Variants in HYDIN observed in about 807,000 individuals in gnomAD.
The protein encoded by HYDIN is HYDIN axonemal central pair apparatus protein.
A neutral mutation model predicts 403.9 loss-of-function variants in HYDIN; 132 were observed. The ratio of observed to expected loss-of-function variants is 0.33; its 90% CI spans 0.28 to 0.38. HYDIN has a LOEUF of 0.38. HYDIN is among the 10% of genes least tolerant of loss of function. The pLI, the probability that HYDIN is intolerant of heterozygous loss-of-function variation, is 1.00. For synonymous variants in HYDIN, 1,202 were observed against 1,891.7 expected (o/e 0.64, Z 9.46); for missense variants, 2,827 against 5,009.5 (o/e 0.56, Z 13.15).
intron 80 of HYDIN, among the ~76,000 whole-genome samples, chr16:70,831,411 A>C (rs1474086428): frequency 7.1e-6 from 1 of 140,796 alleles, no homozygotes; most frequent in Non-Finnish European, 1.5e-5. Context: ...TTAAGAGCTG[A>C]GTTAGGAGAA....
rs2035074290 is a variant in HYDIN at position 70,805,591 on chromosome 16, A to T, written c.*1989T>A. On this transcript the variant is annotated 3_prime_UTR_variant, in exon 86 of 86. Transcript: ENST00000393567. ...TAAGCCCTCCAGGGGATGCTGATGT[A>T]TACTAATATTTCAGAAGCACTGACT... 1.3e-5 allele frequency among the ~76,000 whole-genome samples: 2 copies of T among 152,222 alleles called. No homozygotes were observed. The highest frequency in any genetic ancestry group is 4.8e-5 in the African/African-American group (2 of 41,470).
At position 70,895,971 on chromosome 16, in the gene HYDIN, C is replaced by T; in HGVS notation, c.9148+10G>A. On this transcript the variant is annotated intron_variant, in intron 54 of 85. Transcript: ENST00000393567. The stretch of plus-strand genomic sequence containing the variant: ...TTCCAAACATCCTGTCCTTGAAGGG[C>T]CCAACAGACCTTTGGGGAAGGTGAT... 6.3e-7 allele frequency: 1 copy of T among 1,598,378 alleles called. No individual in the cohort carries two copies. Among genetic ancestry groups the T allele is most frequent in the Non-Finnish European group, 8.5e-7 (1 of 1,173,496 alleles).
At position 70,920,401 on chromosome 16, in the gene HYDIN, T is replaced by C. The variant is rs575395851; in HGVS notation, c.7785+190A>G. ...ATGGACTAATCTAGATGTGTGACAT[T>C]TCCTATGAATTTTCTCTTGCCAAGT... On this transcript the variant is annotated intron_variant, in intron 46 of 85. Transcript: ENST00000393567. Among the ~76,000 whole-genome samples the C allele has an allele frequency of 4.7e-3, 706 of 150,696 alleles. 5 individuals carry two copies. The highest frequency in any genetic ancestry group is 0.016 in the African/African-American group (662 of 40,904).
chr16:71,161,399 C>T lies in HYDIN; in HGVS notation c.716+1132G>A, dbSNP rs1048792580. On this transcript the variant is annotated intron_variant, in intron 6 of 85. Coordinates refer to ENST00000393567, the MANE Select transcript of HYDIN (RefSeq NM_001270974.2). ...ATTCCTAAAAGGCCACGGACTGGAC[C>T]GGTACCAGTTCATGGCCCGGGGGTT... Among the ~76,000 whole-genome samples, 8 of 152,310 alleles carry T rather than the reference C, an allele frequency of 5.3e-5. No individual in the cohort carries two copies. In the South Asian group the frequency reaches 6.2e-4, roughly 12 times the overall value.
Position 71,116,230 on chromosome 16 carries a change from CTTTTTTTTTTTT to C in HYDIN, c.1228-447_1228-436del, listed in dbSNP as rs3051996. On this transcript the variant is annotated intron_variant, in intron 9 of 85. Coordinates refer to ENST00000393567, the MANE Select transcript of HYDIN (RefSeq NM_001270974.2). ...ACCAAACTGTTTCTATGAGTTAGAC[CTTTTTTTTTTTT>C]TTTTTTTTTTAAGATTTCACACACA... 4.1e-5 allele frequency among the ~76,000 whole-genome samples: 4 copies of C among 97,834 alleles called. No individual in the cohort carries two copies. The East Asian group carries it at 1.1e-3, about 26-fold the overall frequency. 64.2% of individuals were successfully genotyped at this position (97,834 alleles called of 152,430 possible). A position where few individuals can be genotyped will look rare whatever the true frequency, so the allele number is the denominator to read the frequency against.
At chr16:70,984,055 A>T (rs1375598583) in intron 28 of HYDIN, among the ~76,000 whole-genome samples, 1 of 152,296 alleles carries the variant, frequency 6.6e-6, no homozygotes. Context: ...AAAGTTAGAG[A>T]AACAAAACAC....
intron 1 of HYDIN, among the ~76,000 whole-genome samples, chr16:71,217,683 A>G (rs2088962942): frequency 6.6e-6 from 1 of 152,230 alleles, no homozygotes; most frequent in African/African-American, 2.4e-5. Context: ...ACCAGCAAAT[A>G]ACTGCTTACT....
At chr16:71,067,999 C>T (rs1290238614) in intron 14 of HYDIN, among the ~76,000 whole-genome samples, 3 of 151,608 alleles carry the variant, frequency 2.0e-5, no homozygotes, top group Admixed American at 1.3e-4. Flanking sequence ...ACTTAGATTC[C>T]AATTCCAGCA....
At chr16:71,169,008 T>C (rs1234939021) in intron 5 of HYDIN, among the ~76,000 whole-genome samples, 4 of 152,192 alleles carry the variant, frequency 2.6e-5, no homozygotes, top group Non-Finnish European at 5.9e-5. Flanking sequence ...CTTCTGGGTA[T>C]ATATCCAAAG....
chr16:71,215,714 T>C (rs1163959044), intron 1 of HYDIN, among the ~76,000 whole-genome samples: 1 of 150,974 alleles, frequency 6.6e-6, no homozygotes, highest in Non-Finnish European at 1.5e-5. Flanking sequence ...TGGGAAAAGG[T>C]ACTTGTGACA....
chr16:71,032,653 C>T (rs1022435454), intron 18 of HYDIN, among the ~76,000 whole-genome samples: 30 of 114,134 alleles, frequency 2.6e-4, no homozygotes, highest in African/African-American at 9.2e-4. Context: ...GCTGAAAACC[C>T]GTGCAGCATG....
chr16:71,019,887 A>G (rs570109355), intron 22 of HYDIN, among the ~76,000 whole-genome samples: 1 of 152,418 alleles, frequency 6.6e-6, no homozygotes, highest in South Asian at 2.1e-4. Flanking sequence ...TTTCGTATAC[A>G]AGGGATATTA....
chr16:70,926,490 T>C (rs2077157775), intron 45 of HYDIN, among the ~76,000 whole-genome samples: 1 of 151,858 alleles, frequency 6.6e-6, no homozygotes, highest in African/African-American at 2.4e-5. Context: ...AGGGATAGCA[T>C]TAGGAGATAT....
At chr16:71,205,691 C>T (rs1409274089) in intron 1 of HYDIN, among the ~76,000 whole-genome samples, 1 of 152,236 alleles carries the variant, frequency 6.6e-6, no homozygotes, top group Non-Finnish European at 1.5e-5. Flanking sequence ...ACCTCTCCTA[C>T]CCTGCCATTG....
intron 1 of HYDIN, among the ~76,000 whole-genome samples, chr16:71,202,653 T>G (rs2088078518): frequency 6.6e-6 from 1 of 152,232 alleles, no homozygotes; most frequent in African/African-American, 2.4e-5. Flanking sequence ...TAGAATTTTC[T>G]AACATGAGAA....
At chr16:71,005,216 T>C (rs1407031437) in intron 23 of HYDIN, among the ~76,000 whole-genome samples, 1 of 152,166 alleles carries the variant, frequency 6.6e-6, no homozygotes, top group Admixed American at 6.5e-5. Flanking sequence ...AAATTGTCTA[T>C]AATAGAGTTG....
chr16:71,127,830 C>T (rs1016394933), intron 9 of HYDIN, among the ~76,000 whole-genome samples: 2 of 152,138 alleles, frequency 1.3e-5, no homozygotes, highest in Non-Finnish European at 2.9e-5. Flanking sequence ...ATCAATAATC[C>T]CTTCTTGACC....
At position 70,934,632 on chromosome 16, in the gene HYDIN, A is replaced by G. The variant is rs1470102923; in HGVS notation, c.7158+1320T>C. Among the ~76,000 whole-genome samples the G allele has an allele frequency of 4.6e-5, 7 of 151,818 alleles. No homozygotes were observed. The East Asian group carries it at 1.2e-3, about 25-fold the overall frequency. On this transcript the variant is annotated intron_variant, in intron 45 of 85. Transcript: ENST00000393567. ...GTCTCAAGAAGTCCCCCTAGGGAAC[A>G]TGATTGATTGTGTTTTGTACTAAGC... is the stretch of plus-strand genomic sequence containing the variant.
intron 21 of HYDIN, among the ~76,000 whole-genome samples, chr16:71,024,702 C>T (rs943112033): frequency 4.3e-5 from 6 of 138,122 alleles, no homozygotes; most frequent in Non-Finnish European, 9.2e-5. Context: ...TCTCCTCCAC[C>T]CCATCTCTTC....
Sources: allele counts gnomAD v4.1 joint callset (sites outside exome capture counted in the v4.1 genomes callset), GRCh38; gene constraint gnomAD v4.1.1; transcripts MANE v1.5; gene names NCBI Gene and HGNC (gene_info 2026-07-23, HGNC 2026-07-21).